RARS2: variants seen among roughly 807,000 people sequenced by gnomAD.
The protein encoded by RARS2 is probable arginine--tRNA ligase, mitochondrial.
Under a neutral mutation model 88.5 loss-of-function variants are expected in RARS2, and 67 were observed. The ratio of observed to expected loss-of-function variants is 0.76; its 90% confidence interval spans 0.62 to 0.93. The LOEUF (loss-of-function observed/expected upper bound fraction) is 0.93. RARS2 is among the 40% of genes least tolerant of loss of function. The pLI, the probability that RARS2 is intolerant of heterozygous loss-of-function variation, is 0.00. For synonymous variants in RARS2, 239 were observed against 230.3 expected, an observed-to-expected ratio of 1.04 and a Z score of -0.34; for missense variants, 664 against 684.2, an observed-to-expected ratio of 0.97 and a Z score of 0.33.
chr6:87,538,531 T>C (rs1476256577), intron 8 of RARS2, among the ~76,000 whole-genome samples: 2 of 152,164 alleles, frequency 1.3e-5, no homozygotes, highest in South Asian at 2.1e-4. Context: ...CAGATTCCCC[T>C]GAAATATTTA....
intron 8 of RARS2, 60 bp from the exon 9 acceptor site, chr6:87,531,002 G>A (rs1777358484): frequency 1.1e-5 from 18 of 1,600,934 alleles, no homozygotes; most frequent in South Asian, 7.7e-5. Context: ...TCTCTAACAC[G>A]GAAAGAAAGC....
At position 87,515,019 on chromosome 6, in the gene RARS2, G is replaced by A. The variant is rs1771091499; in HGVS notation, c.1588C>T (p.His530Tyr). The A allele has an allele frequency of 1.2e-6, 2 of 1,611,356 alleles. No homozygotes were observed. The highest frequency in any genetic ancestry group is 1.3e-5 in the African/African-American group (1 of 74,876). ...GTTTTGTGTGCCACAGCTGCAAGAT[G>A]ACTGAAACAGGAAGAGAGAAATCAC... ...HIVSYLLTLSHLAAVAHKTLQ... is the reference protein window; with the variant it reads ...HIVSYLLTLSYLAAVAHKTLQ... Residue 530 changes from histidine to tyrosine, a missense_variant and splice_region_variant, in exon 19 of 20, where the codon CAT becomes TAT. Physicochemically the swap from His to Tyr is moderately conservative, Grantham distance 83. Coordinates refer to ENST00000369536, the MANE Select transcript of RARS2 (RefSeq NM_020320.5).
chr6:87,542,351 G>A (rs1781269866), intron 7 of RARS2, among the ~76,000 whole-genome samples: 1 of 152,154 alleles, frequency 6.6e-6, no homozygotes, highest in South Asian at 2.1e-4. Context: ...CTACTCTGTT[G>A]AAGTGACATC....
At chr6:87,562,842 G>A (rs984095808) in intron 3 of RARS2, 57 bp from the exon 4 acceptor site, 4 of 1,325,798 alleles carry the variant, frequency 3.0e-6, no homozygotes, top group Non-Finnish European at 4.4e-6. Flanking sequence ...TAATGAGATA[G>A]GTAGTTCTAA....
At chr6:87,560,779 T>C (rs1236037473) in intron 4 of RARS2, among the ~76,000 whole-genome samples, 1 of 152,122 alleles carries the variant, frequency 6.6e-6, no homozygotes, top group Non-Finnish European at 1.5e-5. Context: ...CCCAGCTACC[T>C]GGGGAGGCAG....
In RARS2 at chr6:87,518,248, C is replaced by CA. The variant is rs759420180; in HGVS notation, c.1431dup (p.Gly478TrpfsTer7). On this transcript the variant is annotated frameshift_variant, in exon 17 of 20. Coordinates refer to ENST00000369536, the MANE Select transcript of RARS2 (RefSeq NM_020320.5). LOFTEE classifies it high-confidence loss of function. ...TTGAAGTCATTCAGGTACCCACATC[C>CA]AAAAGTCTCTTCCAAACTTATCAAA... is the stretch of plus-strand genomic sequence containing the variant. The CA allele has an allele frequency of 1.9e-6, 3 of 1,614,132 alleles. No homozygotes were observed. Among genetic ancestry groups the CA allele is most frequent in the East Asian group, 4.5e-5 (2 of 44,876 alleles).
At chr6:87,526,937 C>T (rs1216508095) in intron 10 of RARS2, among the ~76,000 whole-genome samples, 2 of 151,976 alleles carry the variant, frequency 1.3e-5, no homozygotes, top group Non-Finnish European at 2.9e-5. Flanking sequence ...TCCCAAAGTG[C>T]TGGGATTACA....
At position 87,519,184 on chromosome 6, in the gene RARS2, A is replaced by ATGTG. The variant is rs374177464; in HGVS notation, c.1238-297_1238-294dup. 7.6e-3 allele frequency: 1,717 copies of ATGTG among 224,858 alleles called. 27 individuals carry two copies. Among genetic ancestry groups the ATGTG allele is most frequent in the African/African-American group, 0.014 (529 of 38,418 alleles). 13.9% of individuals were successfully genotyped at this position (224,858 alleles called of 1,614,324 possible). On this transcript the variant is annotated intron_variant, in intron 14 of 19. Coordinates refer to ENST00000369536, the MANE Select transcript of RARS2 (RefSeq NM_020320.5). ...TGTGTGTATATATATATAAATATAT[A>ATGTG]TGTGTGTGTGTGTGTGTGTGTGTGT...
At chr6:87,544,575 C>T (rs1782020638) in intron 7 of RARS2, among the ~76,000 whole-genome samples, 1 of 152,164 alleles carries the variant, frequency 6.6e-6, no homozygotes, top group African/African-American at 2.4e-5. Context: ...GATACTAGAG[C>T]TGTTTCTTAA....
At chr6:87,521,926 A>G (rs1352056093) in intron 11 of RARS2, among the ~76,000 whole-genome samples, 1 of 152,216 alleles carries the variant, frequency 6.6e-6, no homozygotes, top group Non-Finnish European at 1.5e-5. Flanking sequence ...CATATTTAAA[A>G]TATAGATGAT....
In RARS2 at chr6:87,529,545, G is replaced by C. The variant is rs1776786544; in HGVS notation, c.875C>G (p.Thr292Arg). 6.5e-7 allele frequency: 1 copy of C among 1,543,078 alleles called. No individual in the cohort carries two copies. The stretch of plus-strand genomic sequence containing the variant: ...AAGAATAGTAACCTGATCATACATT[G>C]TTTTCAGTAGGAGTCCTTTACTCTC... ...LLESKGLLLK[T>R]IKGTAVVDLS... is the part of the protein sequence containing the mutation. Residue 292 changes from threonine (T) to arginine (R), a missense_variant, in exon 10 of 20, where the codon ACA becomes AGA. Coordinates refer to ENST00000369536, the MANE Select transcript of RARS2 (RefSeq NM_020320.5).
Position 87,547,922 on chromosome 6 carries a change from G to A in RARS2, c.451+669C>T, listed in dbSNP as rs139413225. On this transcript the variant is annotated intron_variant, in intron 6 of 19. Transcript: ENST00000369536. ...CCCAAAGTGCTAGGATTACAGGTGT[G>A]AGCCACTATGCCCGGCCAGAAATAG... is the stretch of plus-strand genomic sequence containing the variant. Among the ~76,000 whole-genome samples, 1,121 of 152,290 alleles carry A rather than the reference G, an allele frequency of 7.4e-3. 10 individuals carry two copies. The highest frequency in any genetic ancestry group is 0.025 in the African/African-American group (1,058 of 41,568).
chr6:87,526,010 C>T lies in RARS2; in HGVS notation c.879-1358G>A, dbSNP rs115543633. Reference sequence around the variant, plus strand: ...ACTATATAACACTGATGAAAGAAATCAAAACACAGATAAATGGAAAGATAT... The same window carrying T: ...ACTATATAACACTGATGAAAGAAATTAAAACACAGATAAATGGAAAGATAT... On this transcript the variant is annotated intron_variant, in intron 10 of 19. Coordinates refer to ENST00000369536, the MANE Select transcript of RARS2 (RefSeq NM_020320.5). Among the ~76,000 whole-genome samples, 1,212 of 152,066 alleles carry T rather than the reference C, an allele frequency of 8.0e-3. 26 individuals are homozygous for T. Among genetic ancestry groups the T allele is most frequent in the African/African-American group, 0.028 (1,177 of 41,454 alleles).
chr6:87,536,416 C>T lies in RARS2; in HGVS notation c.613-5474G>A, dbSNP rs1031686225. On this transcript the variant is annotated intron_variant, in intron 8 of 19. Transcript: ENST00000369536. The stretch of plus-strand genomic sequence containing the variant: ...TTTTGTGAGGCCAAGGTGGGCGGAT[C>T]ACAAGGTCAGGAGTTTGAGACCAGC... Among the ~76,000 whole-genome samples, 3 of 152,032 alleles carry T rather than the reference C, an allele frequency of 2.0e-5. No individual in the cohort carries two copies. The East Asian group carries it at 5.8e-4, about 29-fold the overall frequency.
intron 18 of RARS2, 81 bp downstream of exon 18, chr6:87,516,725 A>G: frequency 2.5e-6 from 4 of 1,576,230 alleles, no homozygotes; most frequent in Non-Finnish European, 3.4e-6. Context: ...TAGGCCAAGG[A>G]ATTTGTTTAC....
chr6:87,586,746 T>C (rs974563221), intron 1 of RARS2, among the ~76,000 whole-genome samples: 4 of 152,192 alleles, frequency 2.6e-5, no homozygotes, highest in Admixed American at 6.5e-5. Flanking sequence ...ACGATGCTCA[T>C]TCGCAAAGGT....
At chr6:87,576,138 T>C (rs1009005621) in intron 1 of RARS2, among the ~76,000 whole-genome samples, 1 of 115,908 alleles carries the variant, frequency 8.6e-6, no homozygotes, top group African/African-American at 3.2e-5. Context: ...AACAAAAAAA[T>C]CCAAGCTGCA....
intron 3 of RARS2, 37 bp downstream of exon 3, chr6:87,564,093 A>C (rs751583241): frequency 6.7e-7 from 1 of 1,483,716 alleles, no homozygotes; most frequent in Admixed American, 1.7e-5. Flanking sequence ...TAACAAGTTT[A>C]TTACAATGTC....
intron 8 of RARS2, among the ~76,000 whole-genome samples, chr6:87,534,732 T>C (rs1392372207): frequency 2.6e-5 from 4 of 152,014 alleles, no homozygotes; most frequent in Non-Finnish European, 1.5e-5. Flanking sequence ...AAAGGAGAAT[T>C]ACCTGGAATG....
Sources: gnomAD v4.1 joint callset for allele counts (sites outside exome capture counted in the v4.1 genomes callset) on GRCh38, gnomAD v4.1.1 for gene constraint, MANE v1.5 for transcripts, NCBI Gene and HGNC (gene_info 2026-07-23, HGNC 2026-07-21) for gene names.